RREB1: variants seen among roughly 807,000 people sequenced by gnomAD.
RREB1 encodes ras responsive element binding protein 1.
RREB1 carries 27 observed loss-of-function variants against 117.8 expected under a neutral mutation model. That is an observed-to-expected ratio of 0.23 (90% confidence interval 0.17 to 0.32). The LOEUF (loss-of-function observed/expected upper bound fraction) is 0.32. Among genes scored for constraint, RREB1 ranks in the 10% least tolerant of loss-of-function variants. The pLI, the probability that RREB1 is intolerant of heterozygous loss-of-function variation, is 1.00. For missense variants in RREB1, 2,577 were observed against 2,378.2 expected, an observed-to-expected ratio of 1.08 and a Z score of -1.74; for synonymous variants, 1,298 against 1,026.7, an observed-to-expected ratio of 1.26 and a Z score of -5.05.
At chr6:7,159,762 T>G (rs1008776963) in intron 1 of RREB1, among the ~76,000 whole-genome samples, 22 of 152,220 alleles carry the variant, frequency 1.4e-4, no homozygotes, top group Admixed American at 9.2e-4. Flanking sequence ...AAAAGTAGGA[T>G]TAAATCTGCT....
At chr6:7,110,048 TAAG>T (rs1026857554) in intron 1 of RREB1, among the ~76,000 whole-genome samples, 13 of 151,812 alleles carry the variant, frequency 8.6e-5, no homozygotes, top group South Asian at 2.1e-4. Flanking sequence ...ATTTCTGTCT[TAAG>T]AAGAAATGAT....
chr6:7,137,537 T>A (rs1241616460), intron 1 of RREB1, among the ~76,000 whole-genome samples: 1 of 152,240 alleles, frequency 6.6e-6, no homozygotes, highest in Non-Finnish European at 1.5e-5. Flanking sequence ...CATAGGCAGA[T>A]GAAACTAAGA....
intron 11 of RREB1, among the ~76,000 whole-genome samples, chr6:7,241,753 T>G (rs889994600): frequency 6.6e-6 from 1 of 152,128 alleles, no homozygotes; most frequent in Non-Finnish European, 1.5e-5. Flanking sequence ...CAACTGTGAG[T>G]GCTCTTGACT....
intron 1 of RREB1, among the ~76,000 whole-genome samples, chr6:7,110,291 A>T (rs1761073205): frequency 6.6e-6 from 1 of 152,316 alleles, no homozygotes; most frequent in East Asian, 1.9e-4. Flanking sequence ...AGGCAGGTAT[A>T]GTTTCTAAGA....
At chr6:7,223,566 A>G (rs1267092182) in intron 8 of RREB1, among the ~76,000 whole-genome samples, 6 of 151,878 alleles carry the variant, frequency 4.0e-5, no homozygotes, top group Non-Finnish European at 8.8e-5. Context: ...TGTCTCAAAA[A>G]AAAAAAAAAG....
chr6:7,229,633 C>A lies in RREB1; in HGVS notation c.1534C>A (p.Leu512Met), dbSNP rs1561794250. Residue 512 changes from leucine to methionine, a missense_variant, in exon 10 of 13, where the codon CTG (leucine) becomes ATG (methionine). By Grantham distance (15) the Leu-to-Met change is conservative. Transcript: ENST00000379938. The surrounding 1 kb of genome is among the most constrained non-coding windows in gnomAD (Gnocchi z 4.5). ...CATGCCCCCTCTGAAGCCAAAGCCC[C>A]TGGTCACACCACGGACGGTGGTGGC... ...KHMPPLKPKP[L>M]VTPRTVVATS... 1.9e-6 allele frequency: 3 copies of A among 1,613,158 alleles called. No homozygotes were observed. The highest frequency in any genetic ancestry group is 1.7e-6 in the Non-Finnish European group (2 of 1,179,736).
rs780659244 is a variant in RREB1 at position 7,229,678 on chromosome 6, CTCA to C, written c.1583_1585del (p.Ile528del). The C allele has an allele frequency of 8.7e-6, 14 of 1,611,816 alleles. No individual in the cohort carries two copies. The highest frequency in any genetic ancestry group is 6.7e-5 in the Admixed American group (4 of 59,894). On this transcript the variant is annotated inframe_deletion, in exon 10 of 13. Transcript: ENST00000379938. This position sits in a 1 kb window ranked among gnomAD's most constrained non-coding sequence, Gnocchi z 4.5. ...GGTGGCCACCTCCACGCCCCCGCCTCTCATCAACGCCCAGCAGGCTTCCCCGGG... is the reference window on the plus strand; with the variant it reads ...GGTGGCCACCTCCACGCCCCCGCCTCTCAACGCCCAGCAGGCTTCCCCGGG...
intron 1 of RREB1, among the ~76,000 whole-genome samples, chr6:7,165,550 G>C (rs571545239): frequency 6.6e-6 from 1 of 151,924 alleles, no homozygotes; most frequent in South Asian, 2.1e-4. Context: ...GCTTTTGATT[G>C]AGAATGTTCC....
chr6:7,139,631 G>A (rs1762478680), intron 1 of RREB1, among the ~76,000 whole-genome samples: 1 of 151,924 alleles, frequency 6.6e-6, no homozygotes, highest in Admixed American at 6.6e-5. Flanking sequence ...TCAGGTAGTT[G>A]GGCCTTCAAA....
chr6:7,206,545 T>G (rs2113607106), intron 6 of RREB1, among the ~76,000 whole-genome samples: 1 of 152,248 alleles, frequency 6.6e-6, no homozygotes, highest in East Asian at 1.9e-4. Flanking sequence ...CCACCAGGGC[T>G]CGTGCAGAGA....
At position 7,230,401 on chromosome 6, in the gene RREB1, C is replaced by G; in HGVS notation, c.2302C>G (p.Leu768Val). Residue 768 changes from leucine to valine, a missense_variant, in exon 10 of 13, where the codon CTG (leucine) becomes GTG (valine). Leu to Val is a conservative substitution (Grantham distance 32). Coordinates refer to ENST00000379938, the MANE Select transcript of RREB1 (RefSeq NM_001003699.4). The part of the protein sequence containing the change: ...CGEDLKHYRA[L>V]RIHMRTHCGR... ...CGAGGACCTCAAGCACTATCGTGCC[C>G]TGCGCATCCACATGCGCACGCACTG... is the stretch of plus-strand genomic sequence containing the variant. 12 of 1,592,066 alleles carry G rather than the reference C, an allele frequency of 7.5e-6. No homozygotes were observed. Among genetic ancestry groups the G allele is most frequent in the Non-Finnish European group, 1.0e-5 (12 of 1,174,374 alleles).
chr6:7,241,658 T>G (rs1768713299), intron 11 of RREB1, among the ~76,000 whole-genome samples: 1 of 152,158 alleles, frequency 6.6e-6, no homozygotes, highest in Non-Finnish European at 1.5e-5. Context: ...TGTCCTTACC[T>G]TGGTTACAGG....
At chr6:7,167,159 G>A (rs886298629) in intron 1 of RREB1, among the ~76,000 whole-genome samples, 4 of 152,134 alleles carry the variant, frequency 2.6e-5, no homozygotes, top group East Asian at 1.9e-4. Flanking sequence ...GTGTACTTCC[G>A]TAATTAACCA....
intron 2 of RREB1, 37 bp from the exon 3 acceptor site, chr6:7,181,087 A>G: frequency 2.5e-6 from 1 of 398,172 alleles, no homozygotes. Context: ...TCACTAAGTG[A>G]AAAGATGTTC....
rs116271766 is a variant in RREB1 at position 7,115,105 on chromosome 6, C to T, written c.-285+7045C>T. Among the ~76,000 whole-genome samples the T allele has an allele frequency of 4.7e-3, 710 of 152,126 alleles. 8 individuals are homozygous for T. The highest frequency in any genetic ancestry group is 0.016 in the African/African-American group (671 of 41,482). ...AGTTTTTGCAAAATTCTTACATAAC[C>T]GTCTGCCGTTTTTATAGGGCAGTGT... On this transcript the variant is annotated intron_variant, in intron 1 of 12. Transcript: ENST00000379938.
rs764975605 is a variant in RREB1, at chr6:7,229,548, G to T, written c.1449G>T (p.Gln483His). The change falls in exon 10 of 13, where the codon CAG becomes CAT. Residue 483 changes from glutamine (Q) to histidine (H), a missense_variant. Gln to His is a conservative substitution (Grantham distance 24, BLOSUM62 0). Transcript: ENST00000379938. This position sits in a 1 kb window ranked among gnomAD's most constrained non-coding sequence, Gnocchi z 4.5. ...ILKMAASAPP[Q>H]ISLPPFSKAP... ...AGATGGCAGCCTCGGCTCCCCCTCA[G>T]ATCAGTCTTCCGCCCTTCTCCAAGG... is the stretch of plus-strand genomic sequence containing the variant. 1 of 1,613,920 alleles carries T rather than the reference G, an allele frequency of 6.2e-7. No individual in the cohort carries two copies. The highest frequency in any genetic ancestry group is 1.7e-5 in the Admixed American group (1 of 60,004).
chr6:7,123,430 A>G (rs1006071049), intron 1 of RREB1, among the ~76,000 whole-genome samples: 1 of 151,674 alleles, frequency 6.6e-6, no homozygotes, highest in African/African-American at 2.4e-5. Flanking sequence ...CCGAAGTGCT[A>G]GGATTACAGG....
chr6:7,231,344 T>C lies in RREB1; in HGVS notation c.3245T>C (p.Leu1082Pro). ...ISSVSSAPTL[L>P]KTKVADPGPA... ...TCTGTATCCTCGGCCCCCACCCTGC[T>C]GAAAACCAAGGTGGCGGACCCAGGG... The change falls in exon 10 of 13, where the codon CTG (leucine) becomes CCG (proline). Residue 1082 changes from leucine (L) to proline (P), a missense_variant. Transcript: ENST00000379938. 1 of 1,611,866 alleles carries C rather than the reference T, an allele frequency of 6.2e-7. No individual in the cohort carries two copies. Among genetic ancestry groups the C allele is most frequent in the South Asian group, 1.1e-5 (1 of 90,980 alleles).
At chr6:7,165,076 C>G (rs545134143) in intron 1 of RREB1, among the ~76,000 whole-genome samples, 1 of 152,206 alleles carries the variant, frequency 6.6e-6, no homozygotes, top group Non-Finnish European at 1.5e-5. Context: ...AAGCATTGGC[C>G]TCTCACACAC....
Sources: gnomAD v4.1 joint callset for allele counts (sites outside exome capture counted in the v4.1 genomes callset) on GRCh38, gnomAD v4.1.1 for gene constraint, Gnocchi (gnomAD v3.1) non-coding constraint, MANE v1.5 for transcripts, NCBI Gene and HGNC (gene_info 2026-07-23, HGNC 2026-07-21) for gene names.